Variants in BEND2 observed in about 807,000 individuals in gnomAD.
BEND2 encodes BEN domain containing 2.
In BEND2, 19 loss-of-function variants were observed where a neutral mutation model predicts 43.8. The ratio of observed to expected loss-of-function variants is 0.43; its 90% CI spans 0.30 to 0.64. BEND2 has a LOEUF of 0.64. Ranked by LOEUF, BEND2 falls within the 30% of genes least tolerant of loss-of-function variation. The pLI is 0.11. For synonymous variants in BEND2, 226 were observed against 210.1 expected (o/e 1.08, Z -0.66); for missense variants, 544 against 574.0 (o/e 0.95, Z 0.53).
chrX:18,169,853 G>T (rs757254319), intron 13 of BEND2, among the ~76,000 whole-genome samples: 51 of 112,210 alleles, frequency 4.5e-4, no homozygotes, highest in African/African-American at 1.5e-3. Flanking sequence ...ATAAAATTCA[G>T]TGAGAGATAA....
At chrX:18,190,760 T>A (rs867502482) in intron 8 of BEND2, among the ~76,000 whole-genome samples, 7 of 93,506 alleles carry the variant, frequency 7.5e-5, no homozygotes, top group African/African-American at 2.3e-4. Context: ...TCTCTCTCTC[T>A]CTCTCTCACA....
Position 18,216,522 on chromosome X carries a change from A to G in BEND2, c.237T>C (p.Tyr79=). The change falls in exon 2 of 14, where the codon TAT becomes TAC. Residue 79 remains tyrosine, a splice_region_variant and synonymous_variant. Transcript: ENST00000380033. ...DGHHRPLQMS[Y]GSGSVTQAGV... ...AAGGATGAAATTTAACAAAATTACC[A>G]TATGACATTTGGAGTGGACGGTGAT... 2 of 1,199,008 alleles carry G rather than the reference A, an allele frequency of 1.7e-6. No homozygotes were observed. The highest frequency in any genetic ancestry group is 3.5e-5 in the South Asian group (2 of 56,710).
At chrX:18,180,840 T>C (rs1924359732) in intron 8 of BEND2, among the ~76,000 whole-genome samples, 190 bp from the exon 9 acceptor site, 1 of 109,083 alleles carries the variant, frequency 9.2e-6, no homozygotes, top group African/African-American at 3.3e-5. Flanking sequence ...AATGGCATGA[T>C]CTTGGCTTAC....
intron 1 of BEND2, among the ~76,000 whole-genome samples, chrX:18,220,113 C>T (rs763419979): frequency 9.0e-6 from 1 of 111,134 alleles, no homozygotes; most frequent in Non-Finnish European, 1.9e-5. Context: ...ATGTAACCCA[C>T]GCGGGCACCC....
chrX:18,184,771 G>T (rs1924513421), intron 8 of BEND2, among the ~76,000 whole-genome samples: 1 of 110,900 alleles, frequency 9.0e-6, no homozygotes, highest in Admixed American at 9.7e-5. Context: ...ACATCCACAA[G>T]CATCAACTCC....
intron 4 of BEND2, among the ~76,000 whole-genome samples, chrX:18,206,533 G>A (rs2147428628): frequency 9.0e-6 from 1 of 110,885 alleles, no homozygotes; most frequent in East Asian, 2.9e-4. Context: ...ACACGTAGAG[G>A]GGAAGGAGGG....
intron 8 of BEND2, 91 bp downstream of exon 8, chrX:18,190,910 G>A: frequency 1.3e-6 from 1 of 781,234 alleles, no homozygotes; most frequent in South Asian, 2.9e-5. Flanking sequence ...TACTATTGGG[G>A]GAAACTGGGT....
At chrX:18,166,814 C>T (rs1276675958) in intron 13 of BEND2, among the ~76,000 whole-genome samples, 1 of 110,137 alleles carries the variant, frequency 9.1e-6, no homozygotes, top group Non-Finnish European at 1.9e-5. Flanking sequence ...CACCTGAGCC[C>T]GGGAAGTCGA....
At position 18,194,497 on chromosome X, in the gene BEND2, C is replaced by T. The variant is rs373303370; in HGVS notation, c.1180+799G>A. Among the ~76,000 whole-genome samples, 8 of 110,375 alleles carry T rather than the reference C, an allele frequency of 7.2e-5. No individual in the cohort carries two copies. The East Asian group carries it at 2.0e-3, about 27-fold the overall frequency. On this transcript the variant is annotated intron_variant, in intron 7 of 13. Coordinates refer to ENST00000380033, the MANE Select transcript of BEND2 (RefSeq NM_153346.5). ...GAAAGAAACTACTGAGAAATGAAAA[C>T]TTACATTTATACAAAAATGTGTACA...
At chrX:18,177,978 A>G (rs1015803305) in intron 9 of BEND2, among the ~76,000 whole-genome samples, 2 of 111,548 alleles carry the variant, frequency 1.8e-5, no homozygotes, top group Admixed American at 1.9e-4. Context: ...TCTCTTTGCC[A>G]CCATCTGCCA....
In BEND2 at chrX:18,203,570, C is replaced by A. The variant is rs1045729443; in HGVS notation, c.838G>T (p.Ala280Ser). The A allele has an allele frequency of 3.9e-5, 47 of 1,209,178 alleles. No homozygotes were observed. Among genetic ancestry groups the A allele is most frequent in the Non-Finnish European group, 4.9e-5 (44 of 894,620 alleles). ...ANNPGVVNYS[A>S]LPENENVGPG... Reference sequence around the variant, plus strand: ...CCCACATTTTCATTTTCTGGTAGAGCAGAGTAATTCACCACACCAGGGTTA... The same window carrying A: ...CCCACATTTTCATTTTCTGGTAGAGAAGAGTAATTCACCACACCAGGGTTA... Residue 280 changes from alanine (A) to serine (S), a missense_variant, in exon 5 of 14, where the codon GCT (alanine) becomes TCT (serine). Physicochemically the swap from Ala to Ser is moderately conservative, Grantham distance 99. This residue lies in a region of BEND2 where 501 missense variants were observed against 501.6 expected (regional missense o/e 1.00). Transcript: ENST00000380033.
At chrX:18,186,419 T>C (rs367986601) in intron 8 of BEND2, among the ~76,000 whole-genome samples, 78 of 99,798 alleles carry the variant, frequency 7.8e-4, no homozygotes, top group African/African-American at 2.9e-3. Flanking sequence ...GATTGCGCCA[T>C]TGCACTCCAG....
Position 18,164,003 on chromosome X carries a change from G to T in BEND2, c.*1006C>A, listed in dbSNP as rs1026982768. The T allele has an allele frequency of 4.5e-5, 5 of 111,147 alleles. No homozygotes were observed. Among genetic ancestry groups the T allele is most frequent in the African/African-American group, 1.6e-4 (5 of 30,616 alleles). 9.2% of individuals were successfully genotyped at this position (111,147 alleles called of 1,213,427 possible). A position where few individuals can be genotyped will look rare whatever the true frequency, so the allele number is the denominator to read the frequency against. ...TTATGGAAGATTTTTTTTTATGCAA[G>T]ATTTTTTTAATTATCTACTTCTTTT... is the stretch of plus-strand genomic sequence containing the variant. On this transcript the variant is annotated 3_prime_UTR_variant, in exon 14 of 14. Coordinates refer to ENST00000380033, the MANE Select transcript of BEND2 (RefSeq NM_153346.5).
intron 1 of BEND2, among the ~76,000 whole-genome samples, chrX:18,218,585 G>A (rs1044461599): frequency 1.8e-5 from 2 of 112,684 alleles, no homozygotes; most frequent in African/African-American, 3.2e-5. Flanking sequence ...GAAGATGGCC[G>A]GGCGTGGTGG....
intron 10 of BEND2, 126 bp downstream of exon 10, chrX:18,177,443 G>GA (rs1924209627): frequency 6.9e-6 from 5 of 723,420 alleles, no homozygotes; most frequent in Admixed American, 2.9e-5. Flanking sequence ...TCAGACAGGT[G>GA]AAAAAAATGA....
intron 13 of BEND2, 129 bp from the exon 14 acceptor site, chrX:18,165,352 GC>G: frequency 2.0e-6 from 1 of 508,427 alleles, no homozygotes; most frequent in Non-Finnish European, 3.3e-6. Context: ...ACACACATAG[GC>G]TATAATCATT....
chrX:18,166,497 G>A (rs1253923882), intron 13 of BEND2, among the ~76,000 whole-genome samples: 1 of 111,751 alleles, frequency 8.9e-6, no homozygotes, highest in Non-Finnish European at 1.9e-5. Flanking sequence ...TGATTGAAAT[G>A]TTACAGATGC....
intron 6 of BEND2, among the ~76,000 whole-genome samples, chrX:18,200,466 G>A: frequency 1.0e-5 from 1 of 99,240 alleles, no homozygotes. Flanking sequence ...TCGCGCCACT[G>A]CATTCCAGCC....
intron 8 of BEND2, among the ~76,000 whole-genome samples, chrX:18,181,626 C>T (rs960256955): frequency 3.6e-5 from 4 of 111,779 alleles, no homozygotes; most frequent in Admixed American, 1.9e-4. Context: ...GGGAGAAAAA[C>T]GAAACCTAAG....
Sources: allele counts gnomAD v4.1 joint callset (sites outside exome capture counted in the v4.1 genomes callset), GRCh38; gene constraint gnomAD v4.1.1; regional missense constraint gnomAD v4.1.1; transcripts MANE v1.5; gene names NCBI Gene and HGNC (gene_info 2026-07-23, HGNC 2026-07-21).